AUTS2: variants seen among roughly 807,000 people sequenced by gnomAD.
The protein encoded by AUTS2 is autism susceptibility gene 2 protein.
In AUTS2, 17 loss-of-function variants were observed where a neutral mutation model predicts 112.4. That is an observed-to-expected ratio of 0.15 (90% CI 0.10 to 0.23). The LOEUF (loss-of-function observed/expected upper bound fraction) is 0.23. Among genes scored for constraint, AUTS2 ranks in the 10% least tolerant of loss-of-function variants. The pLI, the probability that AUTS2 is intolerant of heterozygous loss-of-function variation, is 1.00. For missense variants in AUTS2, 1,510 were observed against 1,701.6 expected (o/e 0.89, Z 1.98); for synonymous variants, 751 against 702.7 (o/e 1.07, Z -1.09).
At chr7:70,318,681 G>A (rs953899387) in intron 4 of AUTS2, among the ~76,000 whole-genome samples, 3 of 152,196 alleles carry the variant, frequency 2.0e-5, no homozygotes, top group Non-Finnish European at 4.4e-5. Context: ...TCAAGGAAGA[G>A]GGCTTCTAGA....
rs536147506 is a variant in AUTS2 at position 70,398,455 on chromosome 7, A to C, written c.661-37297A>C. Reference sequence around the variant, plus strand: ...ATTTTTTAATGCACAGGTCTTTCACATATTTTTTGTGTGATCCCTAGTTTT... The same window carrying C: ...ATTTTTTAATGCACAGGTCTTTCACCTATTTTTTGTGTGATCCCTAGTTTT... On this transcript the variant is annotated intron_variant, in intron 4 of 18. Transcript: ENST00000342771. 3.5e-4 allele frequency among the ~76,000 whole-genome samples: 54 copies of C among 152,134 alleles called. 1 individual carries two copies. The highest frequency in any genetic ancestry group is 1.3e-3 in the African/African-American group (53 of 41,522).
intron 2 of AUTS2, among the ~76,000 whole-genome samples, chr7:69,986,361 A>G (rs2129550876): frequency 6.6e-6 from 1 of 152,346 alleles, no homozygotes; most frequent in South Asian, 2.1e-4. Context: ...TGCTAGCAGT[A>G]AAAAATTTAG....
At chr7:70,656,294 A>G (rs1331770036) in intron 5 of AUTS2, among the ~76,000 whole-genome samples, 1 of 152,122 alleles carries the variant, frequency 6.6e-6, no homozygotes, top group Non-Finnish European at 1.5e-5. Context: ...TCTGGAACAG[A>G]TATTATTTTG....
chr7:70,585,222 C>CA (rs1802625876), intron 5 of AUTS2, among the ~76,000 whole-genome samples: 1 of 152,156 alleles, frequency 6.6e-6, no homozygotes, highest in Non-Finnish European at 1.5e-5. Context: ...CTGCAGGGGG[C>CA]AAACTGTCCC....
intron 2 of AUTS2, among the ~76,000 whole-genome samples, chr7:70,057,115 G>A (rs1379567341): frequency 2.0e-5 from 3 of 152,130 alleles, no homozygotes; most frequent in African/African-American, 7.2e-5. Flanking sequence ...GGCTGATATT[G>A]TGGCTTCTTG....
At chr7:70,741,620 G>A (rs1447807454) in intron 6 of AUTS2, among the ~76,000 whole-genome samples, 1 of 151,844 alleles carries the variant, frequency 6.6e-6, no homozygotes, top group Non-Finnish European at 1.5e-5. Flanking sequence ...GAACCCGGGA[G>A]GCGGAGGTTG....
At chr7:70,320,093 T>G (rs1790182344) in intron 4 of AUTS2, among the ~76,000 whole-genome samples, 1 of 152,230 alleles carries the variant, frequency 6.6e-6, no homozygotes. Context: ...AAGTTTGGGA[T>G]GCAGACTTTT....
At chr7:70,290,364 T>C in intron 4 of AUTS2, 2 of 1,479,866 alleles carry the variant, frequency 1.4e-6, no homozygotes, top group South Asian at 1.4e-5. Flanking sequence ...TGTTTCCATT[T>C]CAGAGATCAG....
intron 2 of AUTS2, among the ~76,000 whole-genome samples, chr7:69,983,429 C>T (rs1798377306): frequency 1.3e-5 from 2 of 151,546 alleles, no homozygotes; most frequent in Non-Finnish European, 2.9e-5. Context: ...TTTTTGTTCT[C>T]ATCATCTGAG....
At chr7:70,072,479 G>A (rs1297075058) in intron 2 of AUTS2, among the ~76,000 whole-genome samples, 1 of 152,200 alleles carries the variant, frequency 6.6e-6, no homozygotes, top group African/African-American at 2.4e-5. Flanking sequence ...TGGTAGCCAG[G>A]CTTGGTTCAA....
At chr7:69,784,540 C>T (rs1253026115) in intron 1 of AUTS2, among the ~76,000 whole-genome samples, 1 of 152,198 alleles carries the variant, frequency 6.6e-6, no homozygotes, top group African/African-American at 2.4e-5. Flanking sequence ...GAAGGAGTGG[C>T]ATCAGATAGT....
chr7:70,502,284 A>G (rs1008312583), intron 5 of AUTS2, among the ~76,000 whole-genome samples: 7 of 152,304 alleles, frequency 4.6e-5, no homozygotes, highest in African/African-American at 1.7e-4. Flanking sequence ...TTGGCTCCGT[A>G]TTAATGGCAC....
chr7:70,004,377 T>TAAATA (rs1563031838), intron 2 of AUTS2, among the ~76,000 whole-genome samples: 3 of 117,904 alleles, frequency 2.5e-5, no homozygotes, highest in Non-Finnish European at 5.0e-5. Flanking sequence ...TATATATTCA[T>TAAATA]ATATATATTA....
intron 4 of AUTS2, among the ~76,000 whole-genome samples, chr7:70,171,225 C>T (rs1402470730): frequency 6.6e-6 from 1 of 152,142 alleles, no homozygotes; most frequent in African/African-American, 2.4e-5. Flanking sequence ...GGATTGCATG[C>T]CATTTTCCCA....
At chr7:69,710,020 G>A (rs963134116) in intron 1 of AUTS2, among the ~76,000 whole-genome samples, 9 of 152,108 alleles carry the variant, frequency 5.9e-5, no homozygotes, top group Admixed American at 1.3e-4. Context: ...TAACACAAAT[G>A]ATTCTGACTT....
chr7:70,598,041 G>C (rs1803288859), intron 5 of AUTS2, among the ~76,000 whole-genome samples: 1 of 152,190 alleles, frequency 6.6e-6, no homozygotes, highest in South Asian at 2.1e-4. Flanking sequence ...GCGTTTTAAA[G>C]TTTGCAGAGC....
intron 5 of AUTS2, among the ~76,000 whole-genome samples, chr7:70,661,571 T>C (rs1322843226): frequency 6.6e-6 from 1 of 152,230 alleles, no homozygotes; most frequent in Non-Finnish European, 1.5e-5. Flanking sequence ...ATCTGTGAAA[T>C]GGGAATAATA....
At chr7:70,721,279 C>CGTGTGTGTGTGTGT (rs55885084) in intron 6 of AUTS2, among the ~76,000 whole-genome samples, 5,967 of 140,046 alleles carry the variant, frequency 0.043, 341 homozygotes, top group East Asian at 0.24. Context: ...GAATTTCATT[C>CGTGTGTGTGTGTGT]GTGTGTGTGT....
chr7:69,991,578 G>A (rs932778021), intron 2 of AUTS2, among the ~76,000 whole-genome samples: 1 of 152,058 alleles, frequency 6.6e-6, no homozygotes, highest in Non-Finnish European at 1.5e-5. Context: ...ACATACTCAG[G>A]GAACAATTAT....
Sources: gnomAD v4.1 joint callset for allele counts (sites outside exome capture counted in the v4.1 genomes callset) on GRCh38, gnomAD v4.1.1 for gene constraint, MANE v1.5 for transcripts, NCBI Gene and HGNC (gene_info 2026-07-23, HGNC 2026-07-21) for gene names.